The following CADM2 variants were observed in gnomAD, a reference collection of about 807,000 sequenced individuals.
The protein encoded by CADM2 is immunoglobulin superfamily member 4D.
CADM2 carries 12 observed loss-of-function variants against 49.8 expected under a neutral mutation model. That is an observed-to-expected ratio of 0.24 (90% CI 0.15 to 0.39). The LOEUF (loss-of-function observed/expected upper bound fraction) is 0.39. Ranked by LOEUF, CADM2 falls within the 10% of genes least tolerant of loss-of-function variation. The pLI, the probability that CADM2 is intolerant of heterozygous loss-of-function variation, is 1.00. For synonymous variants in CADM2, 214 were observed against 175.4 expected, an observed-to-expected ratio of 1.22 and a Z score of -1.74; for missense variants, 378 against 492.3, an observed-to-expected ratio of 0.77 and a Z score of 2.20.
intron 1 of CADM2, among the ~76,000 whole-genome samples, chr3:85,215,289 C>T (rs2041892070): frequency 7.0e-6 from 1 of 143,742 alleles, no homozygotes; most frequent in Non-Finnish European, 1.5e-5. Context: ...GCCCTCAGGA[C>T]TCTACCTAGT....
chr3:85,972,089 A>G (rs1317682291), intron 8 of CADM2, among the ~76,000 whole-genome samples: 2 of 151,550 alleles, frequency 1.3e-5, no homozygotes, highest in African/African-American at 4.8e-5. Context: ...GACCTTCTCA[A>G]CCTGGTGGTT....
chr3:85,183,347 T>C (rs2040980236), intron 1 of CADM2, among the ~76,000 whole-genome samples: 1 of 152,174 alleles, frequency 6.6e-6, no homozygotes, highest in African/African-American at 2.4e-5. Context: ...TCTGTTGTTC[T>C]TATTTGTAAT....
intron 1 of CADM2, among the ~76,000 whole-genome samples, chr3:85,050,359 A>C (rs1334033206): frequency 6.6e-6 from 1 of 152,136 alleles, no homozygotes; most frequent in African/African-American, 2.4e-5. Flanking sequence ...AATACCATAA[A>C]ATAATCAAAG....
intron 1 of CADM2, among the ~76,000 whole-genome samples, chr3:85,671,592 G>A: frequency 6.6e-6 from 1 of 151,980 alleles, no homozygotes; most frequent in East Asian, 1.9e-4. Flanking sequence ...ACCCTACATT[G>A]TTTTTCCCTT....
intron 1 of CADM2, among the ~76,000 whole-genome samples, chr3:85,340,407 T>C (rs936378196): frequency 6.6e-6 from 1 of 151,508 alleles, no homozygotes; most frequent in Non-Finnish European, 1.5e-5. Flanking sequence ...TAGTTGCTCA[T>C]AGATTAAGTG....
At chr3:85,839,482 A>T (rs1188921488) in intron 3 of CADM2, among the ~76,000 whole-genome samples, 1 of 151,250 alleles carries the variant, frequency 6.6e-6, no homozygotes, top group African/African-American at 2.4e-5. Flanking sequence ...ATTCTTTGCC[A>T]TTTTTTTTGG....
rs1375694100 is a variant in CADM2 at position 85,662,999 on chromosome 3, A to G, written c.62-63523A>G. On this transcript the variant is annotated intron_variant, in intron 1 of 9. Coordinates refer to ENST00000383699, the MANE Select transcript of CADM2 (RefSeq NM_001167675.2). ...GCCACATCTTAGAAATGGCACTAAT[A>G]TTACCTAGTTTTCGTAACTAGATAT... Among the ~76,000 whole-genome samples, 3 of 151,976 alleles carry G rather than the reference A, an allele frequency of 2.0e-5. No homozygotes were observed. The South Asian group carries it at 6.2e-4, about 31-fold the overall frequency.
At chr3:85,625,353 T>A (rs1407818916) in intron 1 of CADM2, among the ~76,000 whole-genome samples, 1 of 152,112 alleles carries the variant, frequency 6.6e-6, no homozygotes, top group African/African-American at 2.4e-5. Context: ...TTAAAGGCTA[T>A]CTTATCCATG....
chr3:85,211,065 A>T (rs569676388), intron 1 of CADM2, among the ~76,000 whole-genome samples: 2 of 152,148 alleles, frequency 1.3e-5, no homozygotes, highest in Non-Finnish European at 2.9e-5. Flanking sequence ...TTTCCAATTT[A>T]TTGGCATATA....
intron 1 of CADM2, among the ~76,000 whole-genome samples, chr3:85,525,188 A>C (rs1222875980): frequency 6.6e-6 from 1 of 152,252 alleles, no homozygotes; most frequent in African/African-American, 2.4e-5. Flanking sequence ...AAAGTTTTAC[A>C]TATTAAAATA....
chr3:85,631,681 A>C (rs546879581), intron 1 of CADM2, among the ~76,000 whole-genome samples: 1 of 152,288 alleles, frequency 6.6e-6, no homozygotes, highest in Admixed American at 6.5e-5. Flanking sequence ...TTGTGTAAAC[A>C]TTTTAAACAA....
chr3:86,020,024 A>T (rs185533725), intron 8 of CADM2, among the ~76,000 whole-genome samples: 1 of 152,130 alleles, frequency 6.6e-6, no homozygotes, highest in East Asian at 1.9e-4. Flanking sequence ...GACACAAAAA[A>T]CCCTTCAAAA....
chr3:85,336,942 TATATATATATTTA>T (rs1190112939), intron 1 of CADM2, among the ~76,000 whole-genome samples: 2 of 50,322 alleles, frequency 4.0e-5, no homozygotes, highest in African/African-American at 7.9e-5. Context: ...ATGAACTAAA[TATATATATATTTA>T]ATATATATAT....
At chr3:85,097,656 G>A (rs1208692144) in intron 1 of CADM2, among the ~76,000 whole-genome samples, 2 of 152,112 alleles carry the variant, frequency 1.3e-5, no homozygotes, top group Admixed American at 6.6e-5. Context: ...TTTTTAGTAT[G>A]TATTCCTTTG....
intron 8 of CADM2, among the ~76,000 whole-genome samples, chr3:85,980,387 CTT>C (rs771182614): frequency 1.3e-5 from 2 of 151,280 alleles, no homozygotes; most frequent in Non-Finnish European, 3.0e-5. Flanking sequence ...TTATAATAGT[CTT>C]TGTTTCAGAA....
chr3:85,704,868 T>A (rs1172493415), intron 1 of CADM2, among the ~76,000 whole-genome samples: 3 of 142,644 alleles, frequency 2.1e-5, no homozygotes, highest in African/African-American at 7.9e-5. Flanking sequence ...TTATTATTAT[T>A]TTTTTTTTTT....
At chr3:85,913,707 T>G (rs1717914730) in intron 6 of CADM2, among the ~76,000 whole-genome samples, 2 of 152,046 alleles carry the variant, frequency 1.3e-5, no homozygotes. Flanking sequence ...CCATTCTAGG[T>G]AGGGATGAAA....
intron 1 of CADM2, among the ~76,000 whole-genome samples, chr3:85,428,678 A>G (rs995667534): frequency 7.0e-6 from 1 of 143,790 alleles, no homozygotes; most frequent in African/African-American, 2.6e-5. Flanking sequence ...TATATAATAT[A>G]TCATATATAT....
intron 1 of CADM2, among the ~76,000 whole-genome samples, chr3:85,520,399 CTAAA>C (rs1559883551): frequency 6.6e-6 from 1 of 151,822 alleles, no homozygotes; most frequent in African/African-American, 2.4e-5. Flanking sequence ...GCATATATAT[CTAAA>C]TATATTAATA....
Sources: allele counts gnomAD v4.1 joint callset (sites outside exome capture counted in the v4.1 genomes callset), GRCh38; gene constraint gnomAD v4.1.1; transcripts MANE v1.5; gene names NCBI Gene and HGNC (gene_info 2026-07-23, HGNC 2026-07-21).